The following PCDHGA1 variants were observed in gnomAD, a reference collection of about 807,000 sequenced individuals.
PCDHGA1 encodes the protein protocadherin gamma-A1.
In PCDHGA1, 32 loss-of-function variants were observed where a neutral mutation model predicts 58.0. That is an observed-to-expected ratio of 0.55 (90% CI 0.42 to 0.74). The LOEUF is 0.74. Among genes scored for constraint, PCDHGA1 ranks in the 30% least tolerant of loss-of-function variants. The probability of loss-of-function intolerance (pLI) is 0.00; values close to 1 mark genes in which losing one functional copy is unlikely to be tolerated. For synonymous variants in PCDHGA1, 498 were observed against 501.1 expected (o/e 0.99, Z 0.08); for missense variants, 1,205 against 1,182.3 (o/e 1.02, Z -0.28).
Position 141,339,927 on chromosome 5 carries a change from T to C in PCDHGA1, c.2421+6822T>C, listed in dbSNP as rs747565651. 2.5e-6 allele frequency: 4 copies of C among 1,614,160 alleles called. No homozygotes were observed. In the Admixed American group the frequency reaches 5.0e-5, roughly 20 times the overall value. On this transcript the variant is annotated intron_variant, in intron 1 of 3. Coordinates refer to ENST00000517417, the MANE Select transcript of PCDHGA1 (RefSeq NM_018912.3). ...GATGCTACATTCCATGAAATTGATA[T>C]TGAAGCTCAGGATGGTCCGGGCCTT...
chr5:141,430,155 A>G (rs1440666899), intron 1 of PCDHGA1, among the ~76,000 whole-genome samples: 7 of 152,184 alleles, frequency 4.6e-5, no homozygotes, highest in Admixed American at 1.3e-4. Flanking sequence ...CATTCAAGGA[A>G]TCTATTTAAA....
At position 141,512,750 on chromosome 5, in the gene PCDHGA1, G is replaced by C. The variant is rs538475261; in HGVS notation, c.*1577G>C. The C allele has an allele frequency of 2.6e-5, 4 of 152,894 alleles. No homozygotes were observed. The highest frequency in any genetic ancestry group is 4.4e-5 in the Non-Finnish European group (3 of 68,656). 9.5% of individuals were successfully genotyped at this position (152,894 alleles called of 1,614,324 possible). ...AGCGGGCGGCGGGCTCCGCGCAGCC[G>C]TCTGTCCTTGATCTGCCCGCGGCGG... On this transcript the variant is annotated 3_prime_UTR_variant, in exon 4 of 4. Coordinates refer to ENST00000517417, the MANE Select transcript of PCDHGA1 (RefSeq NM_018912.3).
intron 1 of PCDHGA1, chr5:141,352,117 G>C (rs1437830305): frequency 1.6e-5 from 25 of 1,608,576 alleles, no homozygotes; most frequent in Middle Eastern, 2.0e-4. Context: ...GGTTGCGCAC[G>C]GGTGAGGTGC....
intron 1 of PCDHGA1, chr5:141,340,598 A>T (rs915882719): frequency 2.7e-5 from 44 of 1,614,088 alleles, no homozygotes; most frequent in Non-Finnish European, 3.7e-5. Flanking sequence ...CCCTCCACTC[A>T]GTAGCAATGT....
At chr5:141,400,089 C>T (rs200160561) in intron 1 of PCDHGA1, 568 of 1,613,960 alleles carry the variant, frequency 3.5e-4, no homozygotes, top group Non-Finnish European at 4.6e-4. Flanking sequence ...CCGCCACCGC[C>T]ACGCTGCACT....
At chr5:141,423,666 A>G in intron 1 of PCDHGA1, 1 of 1,494,380 alleles carries the variant, frequency 6.7e-7, no homozygotes, top group Non-Finnish European at 8.9e-7. Context: ...ATCAGGTGAG[A>G]TTTATTTCTC....
chr5:141,395,070 T>G lies in PCDHGA1; in HGVS notation c.2421+61965T>G. Reference sequence around the variant, plus strand: ...GGAGGTACAGGCTTTCCTGCAGACCTATTCCCAGGAAGTCTCCCTCACCGC... The same window carrying G: ...GGAGGTACAGGCTTTCCTGCAGACCGATTCCCAGGAAGTCTCCCTCACCGC... On this transcript the variant is annotated intron_variant, in intron 1 of 3. Transcript: ENST00000517417. 1 of 1,614,158 alleles carries G rather than the reference T, an allele frequency of 6.2e-7. No homozygotes were observed. The highest frequency in any genetic ancestry group is 1.3e-5 in the African/African-American group (1 of 75,046).
At position 141,486,579 on chromosome 5, in the gene PCDHGA1, G is replaced by A. The variant is rs747583158; in HGVS notation, c.2422-8228G>A. On this transcript the variant is annotated intron_variant, in intron 1 of 3. Coordinates refer to ENST00000517417, the MANE Select transcript of PCDHGA1 (RefSeq NM_018912.3). The surrounding 1 kb of genome is among the most constrained non-coding windows in gnomAD (Gnocchi z 5.0). ...GAGGTGTTTGTTCCTGAGAACAATC[G>A]CCCAGGGGACCTGCTTTGCTCCCTT... is the stretch of plus-strand genomic sequence containing the variant. The A allele has an allele frequency of 5.1e-5, 82 of 1,613,426 alleles. No homozygotes were observed. Among genetic ancestry groups the A allele is most frequent in the South Asian group, 2.2e-4 (20 of 91,084 alleles).
chr5:141,415,284 G>T (rs186109113), intron 1 of PCDHGA1: 1 of 1,614,198 alleles, frequency 6.2e-7, no homozygotes, highest in East Asian at 2.2e-5. Context: ...CGGTGGCCGC[G>T]GTCTCCTGCG....
Position 141,486,791 on chromosome 5 carries a change from C to G in PCDHGA1, c.2422-8016C>G. On this transcript the variant is annotated intron_variant, in intron 1 of 3. Coordinates refer to ENST00000517417, the MANE Select transcript of PCDHGA1 (RefSeq NM_018912.3). The surrounding 1 kb of genome is among the most constrained non-coding windows in gnomAD (Gnocchi z 5.0). ...GCAGTTTGAGGTGCAGGCCCGGGAT[C>G]GGGGCAACCCACCCCTTAGCAGCAC... The G allele has an allele frequency of 1.9e-6, 3 of 1,614,224 alleles. No individual in the cohort carries two copies. The highest frequency in any genetic ancestry group is 2.5e-6 in the Non-Finnish European group (3 of 1,180,046).
chr5:141,340,797 T>A (rs1364138990), intron 1 of PCDHGA1: 2 of 1,612,224 alleles, frequency 1.2e-6, no homozygotes, highest in Admixed American at 1.7e-5. Flanking sequence ...TACCACCTGC[T>A]CAAGGCCAGC....
rs373297942 is a variant in PCDHGA1, at chr5:141,431,494, C to T, written c.2422-63313C>T. On this transcript the variant is annotated intron_variant, in intron 1 of 3. Coordinates refer to ENST00000517417, the MANE Select transcript of PCDHGA1 (RefSeq NM_018912.3). This position sits in a 1 kb window ranked among gnomAD's most constrained non-coding sequence, Gnocchi z 4.8. ...ACAACGCACCAGCGTTTGCTCAGCC[C>T]GAGTACCGCGCGAGCGTTCCGGAGA... 107 of 1,613,838 alleles carry T rather than the reference C, an allele frequency of 6.6e-5. No homozygotes were observed. Among genetic ancestry groups the T allele is most frequent in the Middle Eastern group, 1.6e-4 (1 of 6,084 alleles).
At chr5:141,473,858 C>G (rs569473917) in intron 1 of PCDHGA1, among the ~76,000 whole-genome samples, 1 of 152,286 alleles carries the variant, frequency 6.6e-6, no homozygotes, top group Admixed American at 6.5e-5. Flanking sequence ...ATGAACCTCG[C>G]TATTGTGGAG....
In PCDHGA1 at chr5:141,341,321, A is replaced by G. The variant is rs1388617397; in HGVS notation, c.2421+8216A>G. 3.7e-6 allele frequency: 6 copies of G among 1,614,210 alleles called. No homozygotes were observed. The South Asian group carries it at 5.5e-5, about 15-fold the overall frequency. On this transcript the variant is annotated intron_variant, in intron 1 of 3. Transcript: ENST00000517417. ...TGCGGACACGCTCATCAGCCAGGAG[A>G]GCTGTGAGAAAAAGGATTTTTTATC...
chr5:141,438,344 C>A (rs1591501799), intron 1 of PCDHGA1, among the ~76,000 whole-genome samples: 1 of 151,664 alleles, frequency 6.6e-6, no homozygotes, highest in African/African-American at 2.4e-5. Flanking sequence ...ATATAAGGAT[C>A]TACTCTGTGT....
intron 1 of PCDHGA1, chr5:141,410,252 C>T (rs3749768): frequency 0.048 from 77,060 of 1,613,996 alleles, 2,017 homozygotes; most frequent in South Asian, 0.077. Flanking sequence ...ACTCTCTGAC[C>T]CCCAGGCTGA....
rs780282319 is a variant in PCDHGA1, at chr5:141,332,564, G to T, written c.1880G>T (p.Arg627Leu). 2.1e-5 allele frequency: 34 copies of T among 1,612,242 alleles called. No individual in the cohort carries two copies. The South Asian group carries it at 3.7e-4, about 18-fold the overall frequency. The change falls in exon 1 of 4, where the codon CGC becomes CTC. Residue 627 changes from arginine (R) to leucine (L), a missense_variant. Arg to Leu is a moderately radical substitution (Grantham distance 102, BLOSUM62 -2). Transcript: ENST00000517417. This position sits in a 1 kb window ranked among gnomAD's most constrained non-coding sequence, Gnocchi z 4.6. ...GTGGGTCTGCACACGGGCGAGGTGC[G>T]CACGGCGCGAGCCCTGCTGGACAGA... is the stretch of plus-strand genomic sequence containing the variant. ...FSVGLHTGEV[R>L]TARALLDRDA...
chr5:141,345,513 G>A lies in PCDHGA1; in HGVS notation c.2421+12408G>A, dbSNP rs758033061. ...CCGCATCACTTATGCATTGACCGAG[G>A]ACACTCTCCAGGGGGCGCCCCTGTC... On this transcript the variant is annotated intron_variant, in intron 1 of 3. Coordinates refer to ENST00000517417, the MANE Select transcript of PCDHGA1 (RefSeq NM_018912.3). The A allele has an allele frequency of 2.5e-6, 4 of 1,614,088 alleles. No homozygotes were observed. The South Asian group carries it at 4.4e-5, about 18-fold the overall frequency.
chr5:141,338,910 A>T lies in PCDHGA1; in HGVS notation c.2421+5805A>T, dbSNP rs1756788456. On this transcript the variant is annotated intron_variant, in intron 1 of 3. Coordinates refer to ENST00000517417, the MANE Select transcript of PCDHGA1 (RefSeq NM_018912.3). ...CTGGTTATCTCACACCCTGAGGAAT[A>T]AAGATTGGAATCCGCACTGGATGCT... 4 of 1,502,618 alleles carry T rather than the reference A, an allele frequency of 2.7e-6. No individual in the cohort carries two copies. In the South Asian group the frequency reaches 5.5e-5, roughly 21 times the overall value. 93.1% of individuals were successfully genotyped at this position (1,502,618 alleles called of 1,614,324 possible). A position where few individuals can be genotyped will look rare whatever the true frequency, so the allele number is the denominator to read the frequency against.
Sources: allele counts gnomAD v4.1 joint callset (sites outside exome capture counted in the v4.1 genomes callset), GRCh38; gene constraint gnomAD v4.1.1; non-coding constraint Gnocchi (gnomAD v3.1); transcripts MANE v1.5; gene names NCBI Gene and HGNC (gene_info 2026-07-23, HGNC 2026-07-21).